The following CPLX1 variants were observed in gnomAD, a reference collection of about 807,000 sequenced individuals.
The protein encoded by CPLX1 is complexin 1.
A neutral mutation model predicts 15.6 loss-of-function variants in CPLX1; 6 were observed. The observed-to-expected ratio is 0.39, with a 90% CI of 0.21 to 0.76. The LOEUF is 0.76. Ranked by LOEUF, CPLX1 falls within the 30% of genes least tolerant of loss-of-function variation. The pLI, the probability that CPLX1 is intolerant of heterozygous loss-of-function variation, is 0.43. For synonymous variants in CPLX1, 91 were observed against 75.2 expected, an observed-to-expected ratio of 1.21 and a Z score of -1.08; for missense variants, 242 against 188.6, an observed-to-expected ratio of 1.28 and a Z score of -1.66.
chr4:786,923 G>A (rs1577466093), intron 3 of CPLX1: 3 of 979,072 alleles, frequency 3.1e-6, no homozygotes, highest in East Asian at 1.1e-4. Context: ...GACATGGGGG[G>A]GAGCAGGGAG....
chr4:800,622 G>T lies in CPLX1; in HGVS notation c.32-8014C>A, dbSNP rs1746433545. ...TATATATTAGCCAGACATGGTGACG[G>T]GCAACCGTAATCCCAGCACTTTGGG... is the stretch of plus-strand genomic sequence containing the variant. On this transcript the variant is annotated intron_variant, in intron 2 of 3. Coordinates refer to ENST00000304062, the MANE Select transcript of CPLX1 (RefSeq NM_006651.4). Among the ~76,000 whole-genome samples, 3 of 129,680 alleles carry T rather than the reference G, an allele frequency of 2.3e-5. No homozygotes were observed. The Admixed American group carries it at 2.4e-4, about 10-fold the overall frequency. 85.1% of individuals were successfully genotyped at this position (129,680 alleles called of 152,430 possible).
intron 2 of CPLX1, among the ~76,000 whole-genome samples, chr4:808,911 GAAA>G (rs547838589): frequency 1.3e-5 from 2 of 152,368 alleles, no homozygotes; most frequent in South Asian, 4.1e-4. Context: ...TTGGAACGGA[GAAA>G]AAGAAGGAAA....
intron 2 of CPLX1, among the ~76,000 whole-genome samples, chr4:820,722 C>T (rs911514763): frequency 2.6e-5 from 4 of 151,790 alleles, no homozygotes; most frequent in Non-Finnish European, 5.9e-5. Flanking sequence ...AGATTCTTTC[C>T]CAACTGCACC....
At chr4:807,422 G>C (rs974929467) in intron 2 of CPLX1, among the ~76,000 whole-genome samples, 12 of 152,040 alleles carry the variant, frequency 7.9e-5, no homozygotes, top group Non-Finnish European at 1.2e-4. Flanking sequence ...CATGGTACAC[G>C]TTTACTACCT....
At position 786,708 on chromosome 4, in the gene CPLX1, A is replaced by AGGCGGGGGTCAG; in HGVS notation, c.208-22_208-11dup. The AGGCGGGGGTCAG allele has an allele frequency of 1.9e-6, 3 of 1,549,724 alleles. No homozygotes were observed. Among genetic ancestry groups the AGGCGGGGGTCAG allele is most frequent in the African/African-American group, 1.4e-5 (1 of 71,310 alleles). On this transcript the variant is annotated splice_polypyrimidine_tract_variant and intron_variant, in intron 3 of 3. Coordinates refer to ENST00000304062, the MANE Select transcript of CPLX1 (RefSeq NM_006651.4). ...TCTTCTTGATGCCGTACTGCGGGGG[A>AGGCGGGGGTCAG]GGCGGGGGTCAGGGCGGGGGTCCCG... is the stretch of plus-strand genomic sequence containing the variant.
At chr4:791,181 G>C (rs1281502166) in intron 3 of CPLX1, among the ~76,000 whole-genome samples, 1 of 150,376 alleles carries the variant, frequency 6.6e-6, no homozygotes, top group Non-Finnish European at 1.5e-5. Flanking sequence ...TGCGGGGCGG[G>C]GGGCGGGGAG....
intron 2 of CPLX1, among the ~76,000 whole-genome samples, chr4:822,639 C>G (rs1322348144): frequency 6.6e-6 from 1 of 152,102 alleles, no homozygotes; most frequent in Admixed American, 6.6e-5. Flanking sequence ...TCTTTGTGTC[C>G]GGGGCTTGGT....
chr4:788,252 G>T, intron 3 of CPLX1: 1 of 985,240 alleles, frequency 1.0e-6, no homozygotes, highest in South Asian at 4.7e-5. Context: ...CTCCCAAATG[G>T]AGGGGGGGCT....
intron 1 of CPLX1, among the ~76,000 whole-genome samples, 152 bp downstream of exon 1, chr4:825,894 C>T (rs1352378318): frequency 1.0e-4 from 1 of 9,880 alleles, no homozygotes; most frequent in Non-Finnish European, 1.9e-4. Context: ...TGGGCGAAGC[C>T]GGGGCCGCGG....
At chr4:807,957 T>C (rs1316826312) in intron 2 of CPLX1, among the ~76,000 whole-genome samples, 1 of 152,154 alleles carries the variant, frequency 6.6e-6, no homozygotes, top group Non-Finnish European at 1.5e-5. Flanking sequence ...ATGGCACAGG[T>C]GCAGCACAAC....
chr4:786,808 C>T (rs1017413196), intron 3 of CPLX1, 110 bp from the exon 4 acceptor site: 2 of 1,429,750 alleles, frequency 1.4e-6, no homozygotes, highest in South Asian at 3.0e-5. Context: ...GGGTGCGGCC[C>T]CCTACCCCAC....
At chr4:812,184 C>G (rs1475835842) in intron 2 of CPLX1, among the ~76,000 whole-genome samples, 1 of 152,136 alleles carries the variant, frequency 6.6e-6, no homozygotes, top group African/African-American at 2.4e-5. Context: ...ACATGATTCT[C>G]CTGCCTCAGC....
rs1297407522 is a variant in CPLX1, at chr4:800,731, AAAAAT to A, written c.32-8128_32-8124del. ...GGGAAACCCCGTCTCTACTAAAAAA[AAAAAT>A]ATATATATATATATATATACACACA... On this transcript the variant is annotated intron_variant, in intron 2 of 3. Transcript: ENST00000304062. Among the ~76,000 whole-genome samples the A allele has an allele frequency of 3.2e-3, 217 of 68,028 alleles. 2 individuals carry two copies. Among genetic ancestry groups the A allele is most frequent in the African/African-American group, 9.1e-3 (126 of 13,816 alleles). The allele number at this position is 68,028 out of a possible 152,430, so 44.6% of individuals were successfully genotyped here. A position where few individuals can be genotyped will look rare whatever the true frequency, so the allele number is the denominator to read the frequency against.
At chr4:787,190 G>T in intron 3 of CPLX1, 2 of 985,322 alleles carry the variant, frequency 2.0e-6, no homozygotes, top group Non-Finnish European at 2.4e-6. Context: ...CGCGGCCCCA[G>T]CAGGGCCACT....
In CPLX1 at chr4:786,553, T is replaced by C. The variant is rs1314197033; in HGVS notation, c.353A>G (p.Asp118Gly). The C allele has an allele frequency of 5.6e-6, 9 of 1,608,614 alleles. No homozygotes were observed. In the Admixed American group the frequency reaches 1.3e-4, roughly 24 times the overall value. The change falls in exon 4 of 4, where the codon GAC (aspartate) becomes GGC (glycine). Residue 118 changes from aspartate (D) to glycine (G), a missense_variant. Coordinates refer to ENST00000304062, the MANE Select transcript of CPLX1 (RefSeq NM_006651.4). ...EVEEEDESIL[D>G]TVIKYLPGPL... Reference sequence around the variant, plus strand: ...CCCGGGCAGGTACTTGATGACGGTGTCCAGGATGCTCTCGTCCTCCTCCTC... The same window carrying C: ...CCCGGGCAGGTACTTGATGACGGTGCCCAGGATGCTCTCGTCCTCCTCCTC...
At chr4:793,112 G>C (rs1377853293) in intron 2 of CPLX1, among the ~76,000 whole-genome samples, 1 of 152,234 alleles carries the variant, frequency 6.6e-6, no homozygotes, top group Non-Finnish European at 1.5e-5. Flanking sequence ...TTGTGTGTGA[G>C]CTTCCAGGGG....
chr4:825,226 G>A (rs1746955566), intron 1 of CPLX1, among the ~76,000 whole-genome samples: 1 of 152,112 alleles, frequency 6.6e-6, no homozygotes, highest in Admixed American at 6.5e-5. Flanking sequence ...ATGGGGTGGG[G>A]TGGGGCGCTC....
chr4:786,902 G>A lies in CPLX1; in HGVS notation c.208-204C>T, dbSNP rs1206833640. 8.1e-6 allele frequency: 8 copies of A among 982,526 alleles called. No homozygotes were observed. In the African/African-American group the frequency reaches 1.0e-4, roughly 13 times the overall value. 60.9% of individuals were successfully genotyped at this position (982,526 alleles called of 1,614,324 possible). On this transcript the variant is annotated intron_variant, in intron 3 of 3. Transcript: ENST00000304062. ...ATGGGAAGCCCCCACGGAGAATGGG[G>A]GCCAGGAGCTGACATGGGGGGGAGC...
At chr4:811,664 A>G (rs1746667369) in intron 2 of CPLX1, among the ~76,000 whole-genome samples, 2 of 152,168 alleles carry the variant, frequency 1.3e-5, no homozygotes, top group African/African-American at 2.4e-5. Flanking sequence ...CAAATGCTCC[A>G]TGTGTGCCTG....
Sources: allele counts gnomAD v4.1 joint callset (sites outside exome capture counted in the v4.1 genomes callset), GRCh38; gene constraint gnomAD v4.1.1; transcripts MANE v1.5; gene names NCBI Gene and HGNC (gene_info 2026-07-23, HGNC 2026-07-21).